Variants in BTBD7 observed in about 807,000 individuals in gnomAD.
BTBD7 encodes the protein BTB/POZ domain-containing protein 7.
Under a neutral mutation model 99.9 loss-of-function variants are expected in BTBD7, and 38 were observed. That is an observed-to-expected ratio of 0.38 (90% CI 0.29 to 0.50). The LOEUF is 0.50. Among genes scored for constraint, BTBD7 ranks in the 20% least tolerant of loss-of-function variants. BTBD7 has a pLI of 0.93. For synonymous variants in BTBD7, 520 were observed against 511.4 expected (o/e 1.02, Z -0.23); for missense variants, 1,170 against 1,394.6 (o/e 0.84, Z 2.57).
intron 3 of BTBD7, among the ~76,000 whole-genome samples, chr14:93,277,507 AC>A (rs1162528099): frequency 6.6e-6 from 1 of 152,152 alleles, no homozygotes; most frequent in East Asian, 1.9e-4. Flanking sequence ...GAAAGGATAT[AC>A]CACTAGAGTG....
intron 3 of BTBD7, chr14:93,288,525 TGC>T: frequency 1.3e-6 from 1 of 779,104 alleles, no homozygotes; most frequent in Non-Finnish European, 2.4e-6. Context: ...AGTTTTCTTC[TGC>T]TCCCTTCATT....
intron 3 of BTBD7, among the ~76,000 whole-genome samples, chr14:93,285,079 T>C (rs1031662276): frequency 1.3e-5 from 2 of 152,170 alleles, no homozygotes; most frequent in African/African-American, 4.8e-5. Context: ...CATTCTTCTC[T>C]AGGAAGTACA....
chr14:93,320,281 C>CA (rs1566865496), intron 1 of BTBD7, among the ~76,000 whole-genome samples: 1 of 152,158 alleles, frequency 6.6e-6, no homozygotes, highest in Non-Finnish European at 1.5e-5. Context: ...CCCTAACCCC[C>CA]ACACTTGACA....
At chr14:93,324,738 C>G (rs963784120) in intron 1 of BTBD7, among the ~76,000 whole-genome samples, 2 of 152,122 alleles carry the variant, frequency 1.3e-5, no homozygotes, top group East Asian at 3.9e-4. Context: ...CAAATCTGAT[C>G]GGTACAAATA....
Position 93,257,165 on chromosome 14 carries a change from T to G in BTBD7, c.1608+30A>C, listed in dbSNP as rs924786204. 4 of 1,598,130 alleles carry G rather than the reference T, an allele frequency of 2.5e-6. No homozygotes were observed. In the African/African-American group the frequency reaches 5.4e-5, roughly 22 times the overall value. Reference sequence around the variant, plus strand: ...CATACACCTGGCATTTTTCTTTTCATGAAAGGAATACATGGAGAAAAACAC... The same window carrying G: ...CATACACCTGGCATTTTTCTTTTCAGGAAAGGAATACATGGAGAAAAACAC... On this transcript the variant is annotated intron_variant, in intron 6 of 10. Coordinates refer to ENST00000334746, the MANE Select transcript of BTBD7 (RefSeq NM_001002860.4).
intron 1 of BTBD7, among the ~76,000 whole-genome samples, chr14:93,303,653 A>C (rs1414162707): frequency 6.6e-6 from 1 of 152,206 alleles, no homozygotes; most frequent in Non-Finnish European, 1.5e-5. Context: ...CAATTCCTGG[A>C]AAGTGGTGCG....
chr14:93,300,976 C>A (rs567073519), intron 1 of BTBD7, among the ~76,000 whole-genome samples: 2 of 151,954 alleles, frequency 1.3e-5, no homozygotes, highest in South Asian at 4.2e-4. Context: ...ACCTGAATTT[C>A]GCATTTTAAA....
intron 1 of BTBD7, among the ~76,000 whole-genome samples, chr14:93,309,265 A>C (rs2053109542): frequency 6.6e-6 from 1 of 152,190 alleles, no homozygotes; most frequent in African/African-American, 2.4e-5. Flanking sequence ...AGGAAATCAA[A>C]GTAGAGACTT....
intron 1 of BTBD7, among the ~76,000 whole-genome samples, chr14:93,330,138 G>A (rs929867273): frequency 6.6e-6 from 1 of 152,032 alleles, no homozygotes; most frequent in Non-Finnish European, 1.5e-5. Flanking sequence ...TTACCTTCCT[G>A]GTTTACCACA....
At chr14:93,295,715 G>A (rs957901685) in intron 2 of BTBD7, among the ~76,000 whole-genome samples, 1 of 152,166 alleles carries the variant, frequency 6.6e-6, no homozygotes, top group African/African-American at 2.4e-5. Flanking sequence ...AACACCAATG[G>A]AGACTGCTAG....
At position 93,311,731 on chromosome 14, in the gene BTBD7, T is replaced by A. The variant is rs370599271; in HGVS notation, c.-106-15574A>T. Among the ~76,000 whole-genome samples, 17 of 146,980 alleles carry A rather than the reference T, an allele frequency of 1.2e-4. No homozygotes were observed. The East Asian group carries it at 1.8e-3, about 15-fold the overall frequency. ...ACACTATCATCACCAATATGATCCA[T>A]GAAAATATTTTTAATTTTTTTTTTT... On this transcript the variant is annotated intron_variant, in intron 1 of 10. Transcript: ENST00000334746.
At position 93,242,753 on chromosome 14, in the gene BTBD7, A is replaced by G. The variant is rs1440853773; in HGVS notation, c.2919T>C (p.Phe973=). ...RTPSPSQGGY[F]GPDLYSHNKA... ...TATTGTGGCTGTACAGATCGGGACC[A>G]AAATATCCACCTTGCGAAGGGGAAG... Residue 973 remains phenylalanine (F), a synonymous_variant, in exon 11 of 11, where the codon TTT becomes TTC. Coordinates refer to ENST00000334746, the MANE Select transcript of BTBD7 (RefSeq NM_001002860.4). 1 of 1,614,238 alleles carries G rather than the reference A, an allele frequency of 6.2e-7. No homozygotes were observed. Among genetic ancestry groups the G allele is most frequent in the Admixed American group, 1.7e-5 (1 of 60,018 alleles).
At chr14:93,304,131 T>C (rs1566858645) in intron 1 of BTBD7, among the ~76,000 whole-genome samples, 1 of 152,230 alleles carries the variant, frequency 6.6e-6, no homozygotes, top group Non-Finnish European at 1.5e-5. Context: ...ACTTGCCCAA[T>C]CAACTCTCAT....
chr14:93,318,824 A>C (rs559609749), intron 1 of BTBD7, among the ~76,000 whole-genome samples: 2 of 152,326 alleles, frequency 1.3e-5, no homozygotes, highest in African/African-American at 4.8e-5. Context: ...CATGTCCTCA[A>C]ACAGACTAAG....
At chr14:93,247,688 G>A (rs2052328527) in intron 9 of BTBD7, among the ~76,000 whole-genome samples, 1 of 152,202 alleles carries the variant, frequency 6.6e-6, no homozygotes, top group East Asian at 1.9e-4. Context: ...GGGGTTTGGA[G>A]TTTGTAGCAA....
chr14:93,302,187 C>T (rs1416889256), intron 1 of BTBD7, among the ~76,000 whole-genome samples: 1 of 152,108 alleles, frequency 6.6e-6, no homozygotes, highest in Non-Finnish European at 1.5e-5. Flanking sequence ...CTCCTAAGGC[C>T]AGTTTCTGGA....
intron 9 of BTBD7, 115 bp downstream of exon 9, chr14:93,248,354 AGGCAGTG>A: frequency 2.0e-6 from 2 of 998,776 alleles, no homozygotes; most frequent in Non-Finnish European, 2.9e-6. Context: ...AAGACACCAA[AGGCAGTG>A]AAAAAGCACA....
intron 1 of BTBD7, among the ~76,000 whole-genome samples, chr14:93,313,765 GCT>G (rs1376782962): frequency 6.6e-6 from 1 of 151,484 alleles, no homozygotes; most frequent in African/African-American, 2.4e-5. Context: ...AAAGGGTCCT[GCT>G]CTGTTGTCTA....
intron 3 of BTBD7, among the ~76,000 whole-genome samples, chr14:93,292,866 C>G (rs997348512): frequency 1.3e-5 from 2 of 152,028 alleles, no homozygotes; most frequent in African/African-American, 4.8e-5. Context: ...TTCTCAAAGC[C>G]CTATTGATAG....
Sources: allele counts gnomAD v4.1 joint callset (sites outside exome capture counted in the v4.1 genomes callset), GRCh38; gene constraint gnomAD v4.1.1; transcripts MANE v1.5; gene names NCBI Gene and HGNC (gene_info 2026-07-23, HGNC 2026-07-21).